ANP32B: variants seen among roughly 807,000 people sequenced by gnomAD.
ANP32B encodes the protein acidic leucine-rich nuclear phosphoprotein 32 family member B.
A neutral mutation model predicts 32.2 loss-of-function variants in ANP32B; 6 were observed. The observed-to-expected ratio is 0.19, with a 90% CI of 0.10 to 0.37. The LOEUF (loss-of-function observed/expected upper bound fraction) is 0.37. Among genes scored for constraint, ANP32B ranks in the 10% least tolerant of loss-of-function variants. The pLI, the probability that ANP32B is intolerant of heterozygous loss-of-function variation, is 1.00. For synonymous variants in ANP32B, 98 were observed against 105.8 expected, an observed-to-expected ratio of 0.93 and a Z score of 0.45; for missense variants, 204 against 289.2, an observed-to-expected ratio of 0.71 and a Z score of 2.14.
intron 6 of ANP32B, among the ~76,000 whole-genome samples, chr9:98,014,021 A>T (rs973653265): frequency 6.6e-6 from 1 of 152,030 alleles, no homozygotes; most frequent in African/African-American, 2.4e-5. Context: ...AAAAAGTCTC[A>T]TGGTTGTGTC....
chr9:98,013,964 G>C (rs1372365814), intron 6 of ANP32B, among the ~76,000 whole-genome samples: 2 of 152,162 alleles, frequency 1.3e-5, no homozygotes, highest in Non-Finnish European at 2.9e-5. Context: ...CTATGATAGT[G>C]CCACCGCACT....
At position 97,983,552 on chromosome 9, in the gene ANP32B, G is replaced by A. The variant is rs1827633921; in HGVS notation, c.-4G>A. On this transcript the variant is annotated 5_prime_UTR_variant, in exon 1 of 7. Transcript: ENST00000339399. ...TAAGTTTGAAGAGGGGGGAAGAGGG[G>A]AACATGGACATGAAGAGGAGGATCC... 3.8e-6 allele frequency: 6 copies of A among 1,578,734 alleles called. No individual in the cohort carries two copies. Among genetic ancestry groups the A allele is most frequent in the Non-Finnish European group, 4.3e-6 (5 of 1,163,356 alleles).
chr9:97,983,803 CCCCTGGGGCGGCCGGGGGG>C (rs1042338875), intron 1 of ANP32B, among the ~76,000 whole-genome samples, 194 bp downstream of exon 1: 2 of 151,308 alleles, frequency 1.3e-5, no homozygotes, highest in African/African-American at 4.9e-5. Flanking sequence ...CGCCCGCGGG[CCCCTGGGGCGGCCGGGGGG>C]AGGCAGCGGT....
At position 98,012,424 on chromosome 9, in the gene ANP32B, G is replaced by T; in HGVS notation, c.640G>T (p.Glu214Ter). The T allele has an allele frequency of 6.2e-7, 1 of 1,611,744 alleles. No individual in the cohort carries two copies. The highest frequency in any genetic ancestry group is 8.5e-7 in the Non-Finnish European group (1 of 1,178,760). The change falls in exon 6 of 7, where the codon GAA becomes TAA. Residue 214 changes from glutamate (E) to a stop codon, truncating the protein, a stop_gained. Transcript: ENST00000339399. LOFTEE classifies it high-confidence loss of function. ...TATGCTGTTTGCTATTCTTTAGGAA[G>T]AAGAATTTGGACTTGATGAAGAAGA... Reference protein sequence around the residue: ...EDDDEVSEEEEEFGLDEEDED... With the variant: ...EDDDEVSEEE
At chr9:97,996,455 T>C (rs1827906980) in intron 2 of ANP32B, among the ~76,000 whole-genome samples, 1 of 152,216 alleles carries the variant, frequency 6.6e-6, no homozygotes, top group Non-Finnish European at 1.5e-5. Context: ...GTACACAAAT[T>C]AAAAACTTTT....
intron 1 of ANP32B, among the ~76,000 whole-genome samples, chr9:97,985,412 C>A (rs1479749562): frequency 6.6e-6 from 1 of 152,136 alleles, no homozygotes; most frequent in Non-Finnish European, 1.5e-5. Context: ...GATGGAGGGT[C>A]GCGGGCGTGC....
At position 97,994,800 on chromosome 9, in the gene ANP32B, C is replaced by G. The variant is rs2131584083; in HGVS notation, c.204+20C>G. 1 of 1,571,824 alleles carries G rather than the reference C, an allele frequency of 6.4e-7. No individual in the cohort carries two copies. The highest frequency in any genetic ancestry group is 1.2e-5 in the South Asian group (1 of 84,326). On this transcript the variant is annotated intron_variant, in intron 2 of 6. Transcript: ENST00000339399. ...AAAAAGGTAAGTGCTTTTTCTTTAA[C>G]AGTAAAAGAGAACGATCCTGGGAAG... is the stretch of plus-strand genomic sequence containing the variant.
chr9:98,011,633 G>C (rs1828187408), intron 5 of ANP32B, among the ~76,000 whole-genome samples: 1 of 152,156 alleles, frequency 6.6e-6, no homozygotes. Flanking sequence ...CTGGCCCTCT[G>C]GGGGAAGGAA....
intron 4 of ANP32B, among the ~76,000 whole-genome samples, chr9:98,008,751 G>A (rs1828131072): frequency 6.6e-6 from 1 of 152,076 alleles, no homozygotes; most frequent in African/African-American, 2.4e-5. Context: ...CTAGTTGCAG[G>A]GAAAACAAGC....
intron 6 of ANP32B, among the ~76,000 whole-genome samples, chr9:98,013,337 GTTTTAAATGTGT>G (rs1257840277): frequency 6.6e-6 from 1 of 152,136 alleles, no homozygotes; most frequent in Non-Finnish European, 1.5e-5. Flanking sequence ...TGTTCCCCAT[GTTTTAAATGTGT>G]TTTTAGGACC....
chr9:97,988,986 G>A (rs1409523063), intron 1 of ANP32B, among the ~76,000 whole-genome samples: 1 of 152,132 alleles, frequency 6.6e-6, no homozygotes, highest in Non-Finnish European at 1.5e-5. Context: ...TATAATTGGA[G>A]AGCATCGCCC....
rs1828201033 is a variant in ANP32B, at chr9:98,012,402, G to GC, written c.637-18dup. 6.2e-7 allele frequency: 1 copy of GC among 1,608,996 alleles called. No homozygotes were observed. The highest frequency in any genetic ancestry group is 1.3e-5 in the African/African-American group (1 of 74,518). ...TTTGGCAGAATTAATTTAATGTTAT[G>GC]CTGTTTGCTATTCTTTAGGAAGAAG... On this transcript the variant is annotated intron_variant, in intron 5 of 6. Coordinates refer to ENST00000339399, the MANE Select transcript of ANP32B (RefSeq NM_006401.3).
intron 4 of ANP32B, 35 bp from the exon 5 acceptor site, chr9:98,011,236 G>A: frequency 6.5e-7 from 1 of 1,548,786 alleles, no homozygotes; most frequent in Non-Finnish European, 8.7e-7. Context: ...GGAGCGTCGA[G>A]GATATTTAAT....
In ANP32B at chr9:97,983,742, A is replaced by AGGCG. The variant is rs150311281; in HGVS notation, c.54+142_54+145dup. ...CGCAGCTCGTGGGCTCGGACGGGGAAGGCGGGCGGGCGCGGAGGGGGGAGC... is the reference window on the plus strand; with the variant it reads ...CGCAGCTCGTGGGCTCGGACGGGGAAGGCGGGCGGGCGGGCGCGGAGGGGGGAGC... On this transcript the variant is annotated intron_variant, in intron 1 of 6. Coordinates refer to ENST00000339399, the MANE Select transcript of ANP32B (RefSeq NM_006401.3). 2.7e-3 allele frequency: 1,736 copies of AGGCG among 640,014 alleles called. 29 individuals are homozygous for AGGCG. The African/African-American group carries it at 0.028, about 10-fold the overall frequency. 39.6% of individuals were successfully genotyped at this position (640,014 alleles called of 1,614,324 possible).
intron 3 of ANP32B, among the ~76,000 whole-genome samples, chr9:98,001,577 G>C (rs1008717798): frequency 6.6e-6 from 1 of 152,112 alleles, no homozygotes; most frequent in African/African-American, 2.4e-5. Flanking sequence ...CCTAGTTCTC[G>C]TGGCAGCCTG....
At chr9:97,998,760 C>CAAT (rs1231900740) in intron 3 of ANP32B, 82 bp downstream of exon 3, 3 of 899,674 alleles carry the variant, frequency 3.3e-6, no homozygotes, top group Non-Finnish European at 4.7e-6. Flanking sequence ...AAATTACTGG[C>CAAT]AATAATAATT....
rs1407996850 is a variant in ANP32B at position 97,990,167 on chromosome 9, CTCT to C, written c.55-4460_55-4458del. The stretch of plus-strand genomic sequence containing the variant: ...AAGGTTTTTCTCCTGCTGTCCTTTC[CTCT>C]TCTAAGTTAGGTATATAAGCCCTAA... On this transcript the variant is annotated intron_variant, in intron 1 of 6. Transcript: ENST00000339399. 2.0e-5 allele frequency among the ~76,000 whole-genome samples: 3 copies of C among 152,170 alleles called. No individual in the cohort carries two copies. The East Asian group carries it at 5.8e-4, about 29-fold the overall frequency.
intron 2 of ANP32B, among the ~76,000 whole-genome samples, chr9:97,995,430 T>C (rs926607377): frequency 1.3e-5 from 2 of 152,238 alleles, no homozygotes; most frequent in Non-Finnish European, 2.9e-5. Flanking sequence ...TTCTCTGCCA[T>C]TTCAATATTC....
Position 98,015,895 on chromosome 9 carries a change from A to G in ANP32B, c.*464A>G. On this transcript the variant is annotated 3_prime_UTR_variant, in exon 7 of 7. Coordinates refer to ENST00000339399, the MANE Select transcript of ANP32B (RefSeq NM_006401.3). ...GACATTTTATGTGACAACTGCCAAA[A>G]AAGTATTTTTAAGAATTTAAGCGAA... The G allele has an allele frequency of 4.1e-6, 4 of 977,328 alleles. No homozygotes were observed. The highest frequency in any genetic ancestry group is 4.9e-6 in the Non-Finnish European group (4 of 822,182). The allele number at this position is 977,328 out of a possible 1,614,324, so 60.5% of individuals were successfully genotyped here.
Sources: gnomAD v4.1 joint callset for allele counts (sites outside exome capture counted in the v4.1 genomes callset) on GRCh38, gnomAD v4.1.1 for gene constraint, MANE v1.5 for transcripts, NCBI Gene and HGNC (gene_info 2026-07-23, HGNC 2026-07-21) for gene names.